The following PATJ variants were observed in gnomAD, a reference collection of about 807,000 sequenced individuals.
PATJ encodes PATJ crumbs cell polarity complex component.
PATJ carries 190 observed loss-of-function variants against 224.9 expected under a neutral mutation model. The observed-to-expected ratio is 0.84, with a 90% confidence interval of 0.75 to 0.95. The LOEUF is 0.95. PATJ is among the 40% of genes least tolerant of loss of function. The pLI is 0.00. For synonymous variants in PATJ, 769 were observed against 820.3 expected, an observed-to-expected ratio of 0.94 and a Z score of 1.07; for missense variants, 2,121 against 2,270.3, an observed-to-expected ratio of 0.93 and a Z score of 1.34.
intron 1 of PATJ, among the ~76,000 whole-genome samples, chr1:61,744,045 C>CT (rs1644895818): frequency 6.6e-6 from 1 of 152,158 alleles, no homozygotes; most frequent in Non-Finnish European, 1.5e-5. Context: ...GCCTGGCAAC[C>CT]TGCCTCATGC....
rs137885059 is a variant in PATJ, at chr1:61,958,870, G to A, written c.3670+31041G>A. ...TACCCTTAAAATTCCTTCTAGTCCTGTGATTTTTAGGGGGAGTGGATGTTC... is the reference window on the plus strand; with the variant it reads ...TACCCTTAAAATTCCTTCTAGTCCTATGATTTTTAGGGGGAGTGGATGTTC... On this transcript the variant is annotated intron_variant, in intron 27 of 43. Coordinates refer to ENST00000642238, the MANE Select transcript of PATJ (RefSeq NM_001350145.3). Among the ~76,000 whole-genome samples the A allele has an allele frequency of 5.9e-5, 9 of 152,260 alleles. No homozygotes were observed. The East Asian group carries it at 1.5e-3, about 26-fold the overall frequency.
chr1:61,872,287 A>G (rs1324854117), intron 20 of PATJ, among the ~76,000 whole-genome samples: 4 of 152,102 alleles, frequency 2.6e-5, no homozygotes, highest in African/African-American at 7.2e-5. Context: ...GTTGAATTCT[A>G]TGTTCCTTAG....
Position 62,114,103 on chromosome 1 carries a change from C to T in PATJ, c.4512C>T (p.Ala1504=). Residue 1504 remains alanine, a synonymous_variant, in exon 35 of 44, where the codon GCC becomes GCT. Coordinates refer to ENST00000642238, the MANE Select transcript of PATJ (RefSeq NM_001350145.3). ...CCAGCCACGAAGAAGCCATCACAGC[C>T]CTGAGGCAGACCCCCCAGAAGGTGC... The part of the protein sequence containing the change: ...RNSSHEEAIT[A]LRQTPQKVRL... The T allele has an allele frequency of 1.2e-6, 2 of 1,614,116 alleles. No homozygotes were observed. Among genetic ancestry groups the T allele is most frequent in the Non-Finnish European group, 1.7e-6 (2 of 1,180,012 alleles).
chr1:62,122,149 G>T (rs967216677), intron 38 of PATJ, among the ~76,000 whole-genome samples: 1 of 151,922 alleles, frequency 6.6e-6, no homozygotes, highest in Admixed American at 6.6e-5. Context: ...CGGATCACCT[G>T]AGGTCAGGAG....
At position 62,161,227 on chromosome 1, in the gene PATJ, A is replaced by G; in HGVS notation, c.*173A>G. 1 of 448,492 alleles carries G rather than the reference A, an allele frequency of 2.2e-6. No homozygotes were observed. The highest frequency in any genetic ancestry group is 3.4e-5 in the East Asian group (1 of 29,490). The allele number at this position is 448,492 out of a possible 1,614,324, so 27.8% of individuals were successfully genotyped here. ...TTCATGTGAATTTCCCAAATCAACA[A>G]TCATCTCCTAATGTTTCCCAGTTCC... On this transcript the variant is annotated 3_prime_UTR_variant, in exon 44 of 44. Coordinates refer to ENST00000642238, the MANE Select transcript of PATJ (RefSeq NM_001350145.3).
At chr1:62,028,248 A>G (rs1231487442) in intron 29 of PATJ, among the ~76,000 whole-genome samples, 1 of 152,086 alleles carries the variant, frequency 6.6e-6, no homozygotes, top group Non-Finnish European at 1.5e-5. Context: ...GCTGGAGAGT[A>G]GTGGCTCTTC....
chr1:61,877,392 T>G (rs558334982), intron 21 of PATJ, among the ~76,000 whole-genome samples: 3 of 152,034 alleles, frequency 2.0e-5, no homozygotes, highest in Non-Finnish European at 4.4e-5. Context: ...CCTCCATTCC[T>G]CTCCTATAAG....
chr1:61,763,153 C>A lies in PATJ; in HGVS notation c.163C>A (p.Gln55Lys), dbSNP rs1484930096. The change falls in exon 3 of 44, where the codon CAG becomes AAG. Residue 55 changes from glutamine (Q) to lysine (K), a missense_variant. By Grantham distance (53) the Gln-to-Lys change is moderately conservative (BLOSUM62 1). Transcript: ENST00000642238. Reference sequence around the variant, plus strand: ...CTTCAACCAGATACTCACACTTCAGCAGTCCATCAAGCAACTGAAGGGTCA... The same window carrying A: ...CTTCAACCAGATACTCACACTTCAGAAGTCCATCAAGCAACTGAAGGGTCA... The part of the protein sequence containing the change: ...PLFNQILTLQ[Q>K]SIKQLKGQLN... 1 of 1,596,210 alleles carries A rather than the reference C, an allele frequency of 6.3e-7. No homozygotes were observed. Among genetic ancestry groups the A allele is most frequent in the Non-Finnish European group, 8.5e-7 (1 of 1,171,656 alleles).
chr1:62,038,663 C>T, intron 30 of PATJ: 1 of 241,450 alleles, frequency 4.1e-6, no homozygotes, highest in East Asian at 1.1e-4. Context: ...CACTACCTCC[C>T]TAAGGAAGTT....
chr1:61,947,768 G>A (rs532283283), intron 27 of PATJ, among the ~76,000 whole-genome samples: 1 of 152,228 alleles, frequency 6.6e-6, no homozygotes, highest in East Asian at 1.9e-4. Context: ...ACAATCCTAA[G>A]CAAAAAGAAC....
intron 11 of PATJ, among the ~76,000 whole-genome samples, chr1:61,800,928 C>T (rs1410721152): frequency 2.0e-5 from 3 of 152,142 alleles, no homozygotes; most frequent in Admixed American, 2.0e-4. Flanking sequence ...CTTATGGCTG[C>T]GTAGTGTTCC....
At chr1:61,810,596 C>A (rs79994000) in intron 14 of PATJ, among the ~76,000 whole-genome samples, 28,017 of 151,776 alleles carry the variant, frequency 0.18, 2,756 homozygotes, top group Non-Finnish European at 0.22. Flanking sequence ...ACTTGGTAGG[C>A]TGAGGGAGGA....
At position 62,079,538 on chromosome 1, in the gene PATJ, A is replaced by G; in HGVS notation, c.4214A>G (p.His1405Arg). Residue 1405 changes from histidine to arginine, a missense_variant, in exon 32 of 44, where the codon CAT (histidine) becomes CGT (arginine). His to Arg is a conservative substitution (Grantham distance 29). Coordinates refer to ENST00000642238, the MANE Select transcript of PATJ (RefSeq NM_001350145.3). ...CCATTAGCACCAGCTTCATCATACC[A>G]TTCAACAGATGCAGACTTCACAGGC... ...EIPLAPASSY[H>R]STDADFTGYG... The G allele has an allele frequency of 6.2e-7, 1 of 1,608,688 alleles. No individual in the cohort carries two copies. The highest frequency in any genetic ancestry group is 1.7e-5 in the Admixed American group (1 of 59,984).
chr1:62,071,169 A>G (rs1450508805), intron 31 of PATJ, among the ~76,000 whole-genome samples: 2 of 152,194 alleles, frequency 1.3e-5, no homozygotes, highest in African/African-American at 4.8e-5. Flanking sequence ...AGCATTTCCT[A>G]CAGGAGAAAA....
rs115524087 is a variant in PATJ, at chr1:61,931,949, A to G, written c.3670+4120A>G. Among the ~76,000 whole-genome samples, 702 of 152,068 alleles carry G rather than the reference A, an allele frequency of 4.6e-3. 4 individuals are homozygous for G. Among genetic ancestry groups the G allele is most frequent in the Middle Eastern group, 0.031 (9 of 294 alleles). On this transcript the variant is annotated intron_variant, in intron 27 of 43. Transcript: ENST00000642238. ...TGAAACAAAAGTTTCATGAAATATT[A>G]CTTACCTTTATAATGTGTGAATTTT...
chr1:61,751,561 C>G (rs1035551265), intron 1 of PATJ, among the ~76,000 whole-genome samples: 4 of 152,064 alleles, frequency 2.6e-5, no homozygotes, highest in Admixed American at 6.6e-5. Flanking sequence ...TGCATTGTCT[C>G]TAGCCTGTAA....
chr1:62,117,256 TG>T (rs1353877665), intron 37 of PATJ, 38 bp downstream of exon 37: 5 of 1,612,600 alleles, frequency 3.1e-6, no homozygotes, highest in Non-Finnish European at 4.2e-6. Flanking sequence ...CTCACTCTTC[TG>T]CCCCCACTGG....
intron 17 of PATJ, among the ~76,000 whole-genome samples, chr1:61,844,588 G>A (rs1216703256): frequency 6.6e-6 from 1 of 152,052 alleles, no homozygotes; most frequent in Non-Finnish European, 1.5e-5. Context: ...TGTTATACTT[G>A]TTCTTTTTTT....
intron 27 of PATJ, among the ~76,000 whole-genome samples, chr1:61,941,510 G>T (rs1677816119): frequency 6.6e-6 from 1 of 152,110 alleles, no homozygotes; most frequent in Non-Finnish European, 1.5e-5. Context: ...AATTAGCCAG[G>T]TGTGGTGGCA....
Sources: allele counts gnomAD v4.1 joint callset (sites outside exome capture counted in the v4.1 genomes callset), GRCh38; gene constraint gnomAD v4.1.1; transcripts MANE v1.5; gene names NCBI Gene and HGNC (gene_info 2026-07-23, HGNC 2026-07-21).